The following ANKRD52 variants were observed in gnomAD, a reference collection of about 807,000 sequenced individuals.
ANKRD52 encodes ankyrin repeat domain 52.
ANKRD52 carries 7 observed loss-of-function variants against 116.0 expected under a neutral mutation model. The observed-to-expected ratio is 0.06, with a 90% confidence interval of 0.03 to 0.11. The LOEUF (loss-of-function observed/expected upper bound fraction) is 0.11. ANKRD52 is among the 10% of genes least tolerant of loss of function. The probability of loss-of-function intolerance (pLI) is 1.00; values close to 1 mark genes in which losing one functional copy is unlikely to be tolerated. For synonymous variants in ANKRD52, 528 were observed against 578.1 expected (o/e 0.91, Z 1.24); for missense variants, 839 against 1,408.6 (o/e 0.60, Z 6.47).
chr12:56,248,906 G>C lies in ANKRD52; in HGVS notation c.1593-36C>G. On this transcript the variant is annotated intron_variant, in intron 15 of 27. Coordinates refer to ENST00000267116, the MANE Select transcript of ANKRD52 (RefSeq NM_173595.4). The surrounding 1 kb of genome is among the most constrained non-coding windows in gnomAD (Gnocchi z 5.1). ...GGGGGTAGACTGTGAGGCAGGGACAGGCCCAGCCCAGGAGGGCACAGTTCT... is the reference window on the plus strand; with the variant it reads ...GGGGGTAGACTGTGAGGCAGGGACACGCCCAGCCCAGGAGGGCACAGTTCT... 1 of 1,483,718 alleles carries C rather than the reference G, an allele frequency of 6.7e-7. No individual in the cohort carries two copies. The highest frequency in any genetic ancestry group is 9.2e-7 in the Non-Finnish European group (1 of 1,091,740). The allele number at this position is 1,483,718 out of a possible 1,614,324, so 91.9% of individuals were successfully genotyped here.
intron 20 of ANKRD52, among the ~76,000 whole-genome samples, chr12:56,246,968 AATAAT>A (rs879582751): frequency 1.1e-4 from 16 of 141,064 alleles, no homozygotes; most frequent in East Asian, 2.0e-4. Flanking sequence ...TAATAATAAT[AATAAT>A]AAACAAAGCA....
At chr12:56,245,062 G>C (rs1037282877) in intron 22 of ANKRD52, 41 bp downstream of exon 22, 10 of 1,612,370 alleles carry the variant, frequency 6.2e-6, no homozygotes, top group Admixed American at 1.7e-5. Flanking sequence ...CTCAAGTCAT[G>C]GGCCCTCGCG....
chr12:56,244,591 C>G lies in ANKRD52; in HGVS notation c.2722+61G>C. ...CCCCAGCCAGCCTCCACAGGCAGGGCTGACCCATCCTGCAAATGCCCCAGG... is the reference window on the plus strand; with the variant it reads ...CCCCAGCCAGCCTCCACAGGCAGGGGTGACCCATCCTGCAAATGCCCCAGG... On this transcript the variant is annotated intron_variant, in intron 24 of 27. Transcript: ENST00000267116. The surrounding 1 kb of genome is among the most constrained non-coding windows in gnomAD (Gnocchi z 4.9). 1 of 1,608,042 alleles carries G rather than the reference C, an allele frequency of 6.2e-7. No homozygotes were observed. Among genetic ancestry groups the G allele is most frequent in the Non-Finnish European group, 8.5e-7 (1 of 1,176,998 alleles).
rs947096184 is a variant in ANKRD52 at position 56,255,107 on chromosome 12, AG to A, written c.463-156del. On this transcript the variant is annotated intron_variant, in intron 5 of 27. Transcript: ENST00000267116. This position sits in a 1 kb window ranked among gnomAD's most constrained non-coding sequence, Gnocchi z 4.3. ...GAGGACTCGAGGGAACAGCAGAAGC[AG>A]GCACTAAGGAGGAGATACTGGAGAG... 24 of 623,900 alleles carry A rather than the reference AG, an allele frequency of 3.8e-5. No individual in the cohort carries two copies. The highest frequency in any genetic ancestry group is 1.4e-4 in the Admixed American group (5 of 35,698). 38.6% of individuals were successfully genotyped at this position (623,900 alleles called of 1,614,324 possible). A position where few individuals can be genotyped will look rare whatever the true frequency, so the allele number is the denominator to read the frequency against.
rs993463005 is a variant in ANKRD52, at chr12:56,256,009, A to G, written c.262-25T>C. On this transcript the variant is annotated intron_variant, in intron 4 of 27. Transcript: ENST00000267116. ...TCTGTTGAGGGGCAGGGGACAAAAGAGAGAGTGGGAGCAGGAGGTAAAACA... is the reference window on the plus strand; with the variant it reads ...TCTGTTGAGGGGCAGGGGACAAAAGGGAGAGTGGGAGCAGGAGGTAAAACA... The G allele has an allele frequency of 1.9e-6, 3 of 1,542,788 alleles. No individual in the cohort carries two copies. The African/African-American group carries it at 4.1e-5, about 21-fold the overall frequency.
intron 1 of ANKRD52, 124 bp downstream of exon 1, chr12:56,258,119 G>A (rs966181768): frequency 1.3e-6 from 2 of 1,482,248 alleles, no homozygotes; most frequent in Non-Finnish European, 1.8e-6. Context: ...AGCGCGGCAT[G>A]GGGCGGGGCG....
intron 20 of ANKRD52, among the ~76,000 whole-genome samples, chr12:56,245,921 T>C (rs1018462869): frequency 7.3e-5 from 11 of 151,102 alleles, no homozygotes; most frequent in Admixed American, 1.3e-4. Flanking sequence ...TTCACCACGT[T>C]AGCCAGGATG....
In ANKRD52 at chr12:56,248,697, A is replaced by G. The variant is rs1352642013; in HGVS notation, c.1704+62T>C. 3.3e-6 allele frequency: 5 copies of G among 1,515,570 alleles called. No homozygotes were observed. The African/African-American group carries it at 6.9e-5, about 21-fold the overall frequency. The allele number at this position is 1,515,570 out of a possible 1,614,324, so 93.9% of individuals were successfully genotyped here. A position where few individuals can be genotyped will look rare whatever the true frequency, so the allele number is the denominator to read the frequency against. On this transcript the variant is annotated intron_variant, in intron 16 of 27. Transcript: ENST00000267116. The surrounding 1 kb of genome is among the most constrained non-coding windows in gnomAD (Gnocchi z 5.1). ...CATTTGATTGAACCCTTAGTTTTGG[A>G]ATCCACAAACCCTGTGCCCTGCCCC... is the stretch of plus-strand genomic sequence containing the variant.
Position 56,253,060 on chromosome 12 carries a change from AG to A in ANKRD52, c.1126del (p.Leu376CysfsTer3). On this transcript the variant is annotated frameshift_variant, in exon 11 of 28. Transcript: ENST00000267116. LOFTEE classifies it high-confidence loss of function. This position sits in a 1 kb window ranked among gnomAD's most constrained non-coding sequence, Gnocchi z 5.5. ...ARRGIHDMFP[L>X]HLAVLFGFSD... is the part of the protein sequence containing the mutation. The stretch of plus-strand genomic sequence containing the variant: ...GAATCCAAAGAGAACAGCTAAGTGC[AG>A]GGGGAACATGTCATGGATGCCACGC... 6.3e-7 allele frequency: 1 copy of A among 1,584,146 alleles called. No individual in the cohort carries two copies. The highest frequency in any genetic ancestry group is 8.6e-7 in the Non-Finnish European group (1 of 1,165,354).
In ANKRD52 at chr12:56,243,361, G is replaced by T. The variant is rs1162346128; in HGVS notation, c.3012C>A (p.Asn1004Lys). Residue 1004 changes from asparagine to lysine, a missense_variant, in exon 28 of 28, where the codon AAC becomes AAA. Coordinates refer to ENST00000267116, the MANE Select transcript of ANKRD52 (RefSeq NM_173595.4). This position sits in a 1 kb window ranked among gnomAD's most constrained non-coding sequence, Gnocchi z 4.6. ...AGGCCAGGCAGTCTGCCACATCTTTGTTGGGGGCACAGGCCAGTGCTGGGG... is the reference window on the plus strand; with the variant it reads ...AGGCCAGGCAGTCTGCCACATCTTTTTTGGGGGCACAGGCCAGTGCTGGGG... ...GHTPALACAP[N>K]KDVADCLALI... 11 of 1,613,918 alleles carry T rather than the reference G, an allele frequency of 6.8e-6. No individual in the cohort carries two copies. The highest frequency in any genetic ancestry group is 1.6e-4 in the Middle Eastern group (1 of 6,062).
Position 56,257,871 on chromosome 12 carries a change from T to A in ANKRD52, c.68A>T (p.Glu23Val), listed in dbSNP as rs376870986. ...CTTCTGCGAGAGTAGGGAACGCACT[T>A]CCTCCACATCTCGGCTAAAGATGGC... ...VQAIFSRDVE[E>V]VRSLLSQKEN... The change falls in exon 2 of 28, where the codon GAA (glutamate) becomes GTA (valine). Residue 23 changes from glutamate (E) to valine (V), a missense_variant. By Grantham distance (121) the Glu-to-Val change is moderately radical. This residue lies in a region of ANKRD52 where 287 missense variants were observed against 598.1 expected (regional missense o/e 0.48). Coordinates refer to ENST00000267116, the MANE Select transcript of ANKRD52 (RefSeq NM_173595.4). The A allele has an allele frequency of 9.3e-6, 15 of 1,610,712 alleles. No homozygotes were observed. The highest frequency in any genetic ancestry group is 1.3e-5 in the Non-Finnish European group (15 of 1,179,420).
chr12:56,245,345 C>T, intron 21 of ANKRD52, 32 bp downstream of exon 21: 1 of 1,604,402 alleles, frequency 6.2e-7, no homozygotes, highest in Non-Finnish European at 8.5e-7. Context: ...CCAACACATG[C>T]TCCTGTGCCT....
In ANKRD52 at chr12:56,243,132, C is replaced by G. The variant is rs746623764; in HGVS notation, c.*10G>C. 1 of 1,578,710 alleles carries G rather than the reference C, an allele frequency of 6.3e-7. No individual in the cohort carries two copies. ...TCAAGCCACCGGCGGGGGAGGGACA[C>G]TGGAGGGGGCTACTCAGAGTAGCAG... On this transcript the variant is annotated 3_prime_UTR_variant, in exon 28 of 28. Transcript: ENST00000267116. This position sits in a 1 kb window ranked among gnomAD's most constrained non-coding sequence, Gnocchi z 4.6.
chr12:56,245,103 A>G lies in ANKRD52; in HGVS notation c.2492T>C (p.Val831Ala). 6.2e-7 allele frequency: 1 copy of G among 1,613,966 alleles called. No homozygotes were observed. The highest frequency in any genetic ancestry group is 8.5e-7 in the Non-Finnish European group (1 of 1,179,828). Residue 831 changes from valine (V) to alanine (A), a missense_variant and splice_region_variant, in exon 22 of 28, where the codon GTG (valine) becomes GCG (alanine). Coordinates refer to ENST00000267116, the MANE Select transcript of ANKRD52 (RefSeq NM_173595.4). ...GNPFTPLHCA[V>A]INNQDSTTEM... ...GGCTGATGCAGCAGAAGGGACTTAC[A>G]CTGCACAGTGCAAAGGAGTGAAGGG...
In ANKRD52 at chr12:56,244,902, T is replaced by C; in HGVS notation, c.2576+4A>G. 6.2e-7 allele frequency: 1 copy of C among 1,613,910 alleles called. No individual in the cohort carries two copies. Among genetic ancestry groups the C allele is most frequent in the South Asian group, 1.1e-5 (1 of 91,082 alleles). On this transcript the variant is annotated splice_donor_region_variant and intron_variant, in intron 23 of 27. Coordinates refer to ENST00000267116, the MANE Select transcript of ANKRD52 (RefSeq NM_173595.4). The surrounding 1 kb of genome is among the most constrained non-coding windows in gnomAD (Gnocchi z 4.9). ...GGATTCTTCCCAAGTCTTCCATCAC[T>C]CACCGTCCTTTGGCATCTCGGCTGT...
rs73324304 is a variant in ANKRD52, at chr12:56,239,190, G to A, written c.*3952C>T. 12,586 of 152,364 alleles carry A rather than the reference G, an allele frequency of 0.083. 1,749 individuals carry two copies. Among genetic ancestry groups the A allele is most frequent in the African/African-American group, 0.29 (11,956 of 41,520 alleles). The allele number at this position is 152,364 out of a possible 1,614,324, so 9.4% of individuals were successfully genotyped here. Reference sequence around the variant, plus strand: ...TTCACCCCATCTCTGGGATTTGGTCGCTTCTCTAGGGGTTGGGTTGGGAGG... The same window carrying A: ...TTCACCCCATCTCTGGGATTTGGTCACTTCTCTAGGGGTTGGGTTGGGAGG... On this transcript the variant is annotated 3_prime_UTR_variant, in exon 28 of 28. Coordinates refer to ENST00000267116, the MANE Select transcript of ANKRD52 (RefSeq NM_173595.4).
intron 15 of ANKRD52, among the ~76,000 whole-genome samples, chr12:56,249,701 C>T (rs561644083): frequency 2.1e-4 from 32 of 152,328 alleles, no homozygotes; most frequent in Non-Finnish European, 3.2e-4. Context: ...GTCAGGAGTT[C>T]GTGGCCAGCC....
intron 15 of ANKRD52, among the ~76,000 whole-genome samples, chr12:56,250,865 C>T (rs909319910): frequency 1.1e-4 from 17 of 151,926 alleles, no homozygotes; most frequent in Non-Finnish European, 2.4e-4. Flanking sequence ...ATTTATCTTT[C>T]CCAATAGATT....
rs1369444934 is a variant in ANKRD52, at chr12:56,253,903, G to A, written c.907-103C>T. The A allele has an allele frequency of 2.2e-6, 3 of 1,391,660 alleles. No homozygotes were observed. Among genetic ancestry groups the A allele is most frequent in the African/African-American group, 1.4e-5 (1 of 69,682 alleles). 86.2% of individuals were successfully genotyped at this position (1,391,660 alleles called of 1,614,324 possible). Reference sequence around the variant, plus strand: ...AGGACATATCTCTAAGGACAAAAGGGTCATATGGCACCTTCTTAGCCCACT... The same window carrying A: ...AGGACATATCTCTAAGGACAAAAGGATCATATGGCACCTTCTTAGCCCACT... On this transcript the variant is annotated intron_variant, in intron 8 of 27. Transcript: ENST00000267116. This position sits in a 1 kb window ranked among gnomAD's most constrained non-coding sequence, Gnocchi z 5.5.
Sources: allele counts gnomAD v4.1 joint callset (sites outside exome capture counted in the v4.1 genomes callset), GRCh38; gene constraint gnomAD v4.1.1; regional missense constraint gnomAD v4.1.1; non-coding constraint Gnocchi (gnomAD v3.1); transcripts MANE v1.5; gene names NCBI Gene and HGNC (gene_info 2026-07-23, HGNC 2026-07-21).